Variants in CSMD1 observed in about 807,000 individuals in gnomAD.
The protein encoded by CSMD1 is CUB and sushi domain-containing protein 1.
CSMD1 carries 213 observed loss-of-function variants against 417.5 expected under a neutral mutation model. The ratio of observed to expected loss-of-function variants is 0.51; its 90% CI spans 0.46 to 0.57. The LOEUF (loss-of-function observed/expected upper bound fraction) is 0.57. Ranked by LOEUF, CSMD1 falls within the 20% of genes least tolerant of loss-of-function variation. The probability of loss-of-function intolerance (pLI) is 0.00; values close to 1 mark genes in which losing one functional copy is unlikely to be tolerated. For synonymous variants in CSMD1, 2,862 were observed against 1,736.8 expected, an observed-to-expected ratio of 1.65 and a Z score of -16.11; for missense variants, 6,923 against 4,529.7, an observed-to-expected ratio of 1.53 and a Z score of -15.17.
intron 7 of CSMD1, among the ~76,000 whole-genome samples, chr8:3,670,821 T>C (rs940963741): frequency 4.6e-5 from 7 of 150,628 alleles, no homozygotes; most frequent in African/African-American, 1.7e-4. Context: ...ATATGGGATA[T>C]ATGTATAGGG....
chr8:4,740,400 C>G (rs1365118070), intron 1 of CSMD1, among the ~76,000 whole-genome samples: 1 of 151,972 alleles, frequency 6.6e-6, no homozygotes, highest in Non-Finnish European at 1.5e-5. Context: ...GAAATAGCAG[C>G]CTCTATTTTT....
intron 3 of CSMD1, among the ~76,000 whole-genome samples, chr8:4,089,763 T>C (rs958219477): frequency 5.9e-5 from 9 of 152,090 alleles, no homozygotes; most frequent in Non-Finnish European, 1.3e-4. Context: ...AGTTTGGGGG[T>C]ATTTTTGTTA....
At chr8:3,253,660 G>C (rs1410582849) in intron 26 of CSMD1, among the ~76,000 whole-genome samples, 4 of 152,164 alleles carry the variant, frequency 2.6e-5, no homozygotes, top group Admixed American at 2.6e-4. Flanking sequence ...TTGTGTGGGA[G>C]TCTAAGTCTC....
intron 5 of CSMD1, among the ~76,000 whole-genome samples, chr8:3,968,894 T>A (rs1209165646): frequency 6.6e-6 from 1 of 152,162 alleles, no homozygotes; most frequent in African/African-American, 2.4e-5. Context: ...ATTCATGTAA[T>A]TCAGATGTAA....
chr8:4,210,383 T>G (rs887542560), intron 3 of CSMD1, among the ~76,000 whole-genome samples: 1 of 152,246 alleles, frequency 6.6e-6, no homozygotes, highest in African/African-American at 2.4e-5. Flanking sequence ...TCCAACTTTT[T>G]CTTCTCAGGA....
intron 3 of CSMD1, among the ~76,000 whole-genome samples, chr8:4,114,523 C>T (rs1276434112): frequency 6.6e-6 from 1 of 150,710 alleles, no homozygotes; most frequent in African/African-American, 2.4e-5. Flanking sequence ...GCCCATGGAT[C>T]AAGGAATAAC....
chr8:3,503,213 G>C (rs944255946), intron 10 of CSMD1, among the ~76,000 whole-genome samples: 1 of 152,152 alleles, frequency 6.6e-6, no homozygotes, highest in Admixed American at 6.5e-5. Context: ...AAGAAAGGGA[G>C]TTAGAAAAAT....
At chr8:3,511,813 ATAAC>A (rs1563108888) in intron 10 of CSMD1, among the ~76,000 whole-genome samples, 7 of 151,240 alleles carry the variant, frequency 4.6e-5, no homozygotes, top group African/African-American at 1.7e-4. Flanking sequence ...ATAACATAAC[ATAAC>A]ATAACAATAA....
intron 38 of CSMD1, among the ~76,000 whole-genome samples, chr8:3,160,042 G>A (rs1437712449): frequency 1.3e-5 from 2 of 152,132 alleles, no homozygotes; most frequent in African/African-American, 4.8e-5. Flanking sequence ...AGCAAGCCCC[G>A]AAAAAGGCAC....
chr8:3,866,714 C>G (rs1160429662), intron 5 of CSMD1, among the ~76,000 whole-genome samples: 1 of 152,116 alleles, frequency 6.6e-6, no homozygotes, highest in African/African-American at 2.4e-5. Flanking sequence ...ATAAGGTAGT[C>G]CTTGGCCACT....
At chr8:3,600,156 C>G (rs1263650185) in intron 8 of CSMD1, among the ~76,000 whole-genome samples, 1 of 152,206 alleles carries the variant, frequency 6.6e-6, no homozygotes, top group African/African-American at 2.4e-5. Context: ...CAGGTGGCAT[C>G]AGCAAGCTGA....
chr8:3,537,944 G>C (rs536476462), intron 10 of CSMD1, among the ~76,000 whole-genome samples: 14 of 152,134 alleles, frequency 9.2e-5, no homozygotes, highest in African/African-American at 3.4e-4. Flanking sequence ...TCCTATTAAA[G>C]TTGTTTATTC....
At chr8:3,397,251 G>A (rs1811760441) in intron 16 of CSMD1, among the ~76,000 whole-genome samples, 1 of 152,158 alleles carries the variant, frequency 6.6e-6, no homozygotes, top group South Asian at 2.1e-4. Context: ...GTCACTTTGA[G>A]CCAAAGGATC....
intron 50 of CSMD1, among the ~76,000 whole-genome samples, chr8:3,039,715 T>C (rs1034955450): frequency 3.3e-5 from 5 of 152,132 alleles, no homozygotes; most frequent in African/African-American, 1.2e-4. Flanking sequence ...TTCACAGGCC[T>C]AAGGTCTTTC....
At position 3,449,384 on chromosome 8, in the gene CSMD1, T is replaced by C. The variant is rs188337551; in HGVS notation, c.1561+19328A>G. On this transcript the variant is annotated intron_variant, in intron 12 of 69. Transcript: ENST00000635120. Reference sequence around the variant, plus strand: ...CTGTTATGTGACAATGTCTCATGGGTTGGCTTTGCCAAGTCAGAGGAAACC... The same window carrying C: ...CTGTTATGTGACAATGTCTCATGGGCTGGCTTTGCCAAGTCAGAGGAAACC... Among the ~76,000 whole-genome samples the C allele has an allele frequency of 2.0e-5, 3 of 152,250 alleles. No individual in the cohort carries two copies. The East Asian group carries it at 5.8e-4, about 29-fold the overall frequency.
chr8:4,453,822 T>C (rs1182945906), intron 2 of CSMD1, among the ~76,000 whole-genome samples: 2 of 125,220 alleles, frequency 1.6e-5, no homozygotes, highest in African/African-American at 6.3e-5. Context: ...TTCTTTTTTT[T>C]TTTTTTTTTT....
At chr8:4,407,219 G>C (rs1805091696) in intron 3 of CSMD1, among the ~76,000 whole-genome samples, 1 of 152,124 alleles carries the variant, frequency 6.6e-6, no homozygotes, top group Non-Finnish European at 1.5e-5. Flanking sequence ...CTGAATTCCA[G>C]CTCTTCTATG....
intron 3 of CSMD1, among the ~76,000 whole-genome samples, chr8:4,241,331 G>T (rs1013339196): frequency 1.3e-5 from 2 of 152,152 alleles, no homozygotes; most frequent in Non-Finnish European, 2.9e-5. Context: ...TCACGCCTTT[G>T]CCTATTTTTC....
chr8:3,717,986 A>C (rs1801939015), intron 6 of CSMD1, among the ~76,000 whole-genome samples: 1 of 152,178 alleles, frequency 6.6e-6, no homozygotes, highest in Admixed American at 6.5e-5. Flanking sequence ...AGTTTACTTC[A>C]CCTGATGTAA....
Sources: gnomAD v4.1 joint callset for allele counts (sites outside exome capture counted in the v4.1 genomes callset) on GRCh38, gnomAD v4.1.1 for gene constraint, MANE v1.5 for transcripts, NCBI Gene and HGNC (gene_info 2026-07-23, HGNC 2026-07-21) for gene names.